TANC1: variants seen among roughly 807,000 people sequenced by gnomAD.
The protein encoded by TANC1 is tetratricopeptide repeat, ankyrin repeat and coiled-coil containing 1, also known as protein TANC1.
A neutral mutation model predicts 149.7 loss-of-function variants in TANC1; 77 were observed. The observed-to-expected ratio is 0.51, with a 90% CI of 0.43 to 0.62. The LOEUF (loss-of-function observed/expected upper bound fraction) is 0.62. Among genes scored for constraint, TANC1 ranks in the 20% least tolerant of loss-of-function variants. TANC1 has a pLI of 0.00. For synonymous variants in TANC1, 854 were observed against 925.0 expected (o/e 0.92, Z 1.39); for missense variants, 1,985 against 2,321.8 (o/e 0.85, Z 2.98).
At chr2:159,017,403 A>T (rs1409596710) in intron 2 of TANC1, among the ~76,000 whole-genome samples, 1 of 152,210 alleles carries the variant, frequency 6.6e-6, no homozygotes, top group African/African-American at 2.4e-5. Context: ...ACATCAGTTT[A>T]TTTAAGAAAT....
chr2:159,025,180 T>TTTC (rs750073353), intron 2 of TANC1, among the ~76,000 whole-genome samples: 63 of 92,168 alleles, frequency 6.8e-4, no homozygotes, highest in African/African-American at 1.7e-3. Flanking sequence ...CTTTCTTTCT[T>TTTC]TTTCTTTCTT....
intron 4 of TANC1, among the ~76,000 whole-genome samples, chr2:159,121,938 TTTTA>T: frequency 6.6e-6 from 1 of 152,190 alleles, no homozygotes; most frequent in Non-Finnish European, 1.5e-5. Context: ...GTTTGAAACT[TTTTA>T]TTTATTTATT....
At chr2:159,046,825 A>G (rs191634908) in intron 2 of TANC1, among the ~76,000 whole-genome samples, 91 of 151,930 alleles carry the variant, frequency 6.0e-4, no homozygotes, top group African/African-American at 2.0e-3. Context: ...GCTGGTCTCA[A>G]ACTTCTGAGT....
At chr2:159,073,479 TCATAAAG>T (rs1485319893) in intron 3 of TANC1, among the ~76,000 whole-genome samples, 1 of 152,196 alleles carries the variant, frequency 6.6e-6, no homozygotes, top group African/African-American at 2.4e-5. Context: ...ATCTGAATCA[TCATAAAG>T]CATGTGATAA....
intron 2 of TANC1, among the ~76,000 whole-genome samples, chr2:159,046,105 G>A (rs1195148790): frequency 6.7e-6 from 1 of 148,812 alleles, no homozygotes; most frequent in Admixed American, 6.7e-5. Context: ...AAAGTTGTGG[G>A]TTTTTTTTTT....
At position 159,008,633 on chromosome 2, in the gene TANC1, A is replaced by G. The variant is rs73969411; in HGVS notation, c.-16+7444A>G. ...GATTTTTTCTTGATATGCTAGACTC[A>G]TAGTTGTCTGAATGTATGTGGTATG... On this transcript the variant is annotated intron_variant, in intron 2 of 26. Coordinates refer to ENST00000263635, the MANE Select transcript of TANC1 (RefSeq NM_033394.3). Among the ~76,000 whole-genome samples, 1,080 of 152,332 alleles carry G rather than the reference A, an allele frequency of 7.1e-3. 6 individuals carry two copies. The highest frequency in any genetic ancestry group is 0.023 in the African/African-American group (965 of 41,560).
chr2:159,197,169 C>T (rs1399182264), intron 18 of TANC1, among the ~76,000 whole-genome samples: 1 of 152,164 alleles, frequency 6.6e-6, no homozygotes, highest in African/African-American at 2.4e-5. Flanking sequence ...AATCCTGATT[C>T]TAAAATCGTT....
chr2:159,176,025 G>A (rs1021872049), intron 12 of TANC1, among the ~76,000 whole-genome samples: 1 of 152,152 alleles, frequency 6.6e-6, no homozygotes, highest in Non-Finnish European at 1.5e-5. Flanking sequence ...TCCGGATTGG[G>A]CCTCTGTATG....
intron 19 of TANC1, among the ~76,000 whole-genome samples, chr2:159,209,179 C>T (rs1490966102): frequency 6.6e-6 from 1 of 152,192 alleles, no homozygotes; most frequent in Non-Finnish European, 1.5e-5. Flanking sequence ...GTGTTGGAGG[C>T]TTGTCCCAGA....
intron 1 of TANC1, among the ~76,000 whole-genome samples, chr2:158,993,828 G>A (rs55639815): frequency 0.24 from 37,062 of 152,046 alleles, 5,919 homozygotes; most frequent in Non-Finnish European, 0.37. Flanking sequence ...CTGAAGAGAA[G>A]ACATTACCTT....
At chr2:159,219,383 A>C (rs2059547195) in intron 21 of TANC1, 22 bp downstream of exon 21, 1 of 1,613,914 alleles carries the variant, frequency 6.2e-7, no homozygotes, top group Non-Finnish European at 8.5e-7. Context: ...ATGCCCTCAA[A>C]GGTTTCTTTT....
At chr2:159,208,738 A>G (rs1474227167) in intron 19 of TANC1, among the ~76,000 whole-genome samples, 1 of 152,224 alleles carries the variant, frequency 6.6e-6, no homozygotes, top group Non-Finnish European at 1.5e-5. Flanking sequence ...AGTTTTGCCA[A>G]TGGGAAACAA....
intron 7 of TANC1, 90 bp from the exon 8 acceptor site, chr2:159,163,193 T>C: frequency 8.3e-6 from 11 of 1,318,774 alleles, no homozygotes; most frequent in Admixed American, 2.4e-5. Flanking sequence ...AAACTTTCCA[T>C]TGATCCTGGG....
chr2:159,062,168 G>A (rs1023563076), intron 2 of TANC1, among the ~76,000 whole-genome samples: 2 of 152,188 alleles, frequency 1.3e-5, no homozygotes, highest in Non-Finnish European at 2.9e-5. Flanking sequence ...AACCCAGGAG[G>A]TGGAGGTTGC....
chr2:159,124,642 A>G (rs1397275422), intron 4 of TANC1, among the ~76,000 whole-genome samples: 1 of 152,134 alleles, frequency 6.6e-6, no homozygotes, highest in African/African-American at 2.4e-5. Flanking sequence ...AGGAAGATCG[A>G]TCTTTCCTCC....
chr2:159,219,554 C>G (rs2059558588), intron 21 of TANC1, 138 bp from the exon 22 acceptor site: 1 of 1,284,456 alleles, frequency 7.8e-7, no homozygotes, highest in African/African-American at 1.5e-5. Context: ...TTCTGCCAGC[C>G]CATCCGGCCA....
In TANC1 at chr2:159,172,225, G is replaced by A; in HGVS notation, c.1456G>A (p.Glu486Lys). 1 of 1,614,186 alleles carries A rather than the reference G, an allele frequency of 6.2e-7. No homozygotes were observed. The highest frequency in any genetic ancestry group is 8.5e-7 in the Non-Finnish European group (1 of 1,180,022). Residue 486 changes from glutamate (E) to lysine (K), a missense_variant, in exon 11 of 27, where the codon GAA (glutamate) becomes AAA (lysine). Transcript: ENST00000263635. The part of the protein sequence containing the change: ...AKTPLGSISA[E>K]NQRPREDAVK... Reference sequence around the variant, plus strand: ...AACACCTCTTGGGTCTATCAGTGCTGAAAACCAGAGACCAAGAGAGGATGC... The same window carrying A: ...AACACCTCTTGGGTCTATCAGTGCTAAAAACCAGAGACCAAGAGAGGATGC...
chr2:159,018,429 A>G (rs1033686026), intron 2 of TANC1, among the ~76,000 whole-genome samples: 6 of 152,232 alleles, frequency 3.9e-5, no homozygotes, highest in Non-Finnish European at 5.9e-5. Flanking sequence ...TCTAGCAAAC[A>G]GTAGCAGACA....
chr2:159,074,966 G>C (rs1488395780), intron 3 of TANC1, among the ~76,000 whole-genome samples: 1 of 151,966 alleles, frequency 6.6e-6, no homozygotes, highest in Non-Finnish European at 1.5e-5. Context: ...CATCTAATCT[G>C]ACCTCATCCA....
Sources: gnomAD v4.1 joint callset for allele counts (sites outside exome capture counted in the v4.1 genomes callset) on GRCh38, gnomAD v4.1.1 for gene constraint, MANE v1.5 for transcripts, NCBI Gene and HGNC (gene_info 2026-07-23, HGNC 2026-07-21) for gene names.